STK32A: variants seen among roughly 807,000 people sequenced by gnomAD.
STK32A encodes serine/threonine-protein kinase 32A.
A neutral mutation model predicts 53.2 loss-of-function variants in STK32A; 41 were observed. The observed-to-expected ratio is 0.77, with a 90% CI of 0.60 to 1.00. STK32A has a LOEUF of 1.00. Ranked by LOEUF, STK32A falls within the 50% of genes least tolerant of loss-of-function variation. The pLI is 0.00. For missense variants in STK32A, 458 were observed against 485.8 expected, an observed-to-expected ratio of 0.94 and a Z score of 0.54; for synonymous variants, 166 against 162.8, an observed-to-expected ratio of 1.02 and a Z score of -0.15.
intron 4 of STK32A, among the ~76,000 whole-genome samples, chr5:147,294,362 A>G (rs987031649): frequency 1.3e-5 from 2 of 152,158 alleles, no homozygotes; most frequent in Non-Finnish European, 2.9e-5. Context: ...CCTGGGTTCA[A>G]GCAATTCTTC....
intron 2 of STK32A, among the ~76,000 whole-genome samples, chr5:147,260,985 C>G (rs1022848278): frequency 1.3e-5 from 2 of 152,324 alleles, no homozygotes; most frequent in South Asian, 4.1e-4. Context: ...TGCGCAGAGT[C>G]GTTGCCGCAG....
the STK32A span, chr5:147,400,827 A>T: frequency 6.2e-7 from 1 of 1,613,588 alleles, no homozygotes; most frequent in Non-Finnish European, 8.5e-7. Context: ...ATAGCTGCAG[A>T]TCCCCGCTGG....
intron 5 of STK32A, among the ~76,000 whole-genome samples, chr5:147,332,329 T>C (rs1170124090): frequency 1.3e-5 from 2 of 151,648 alleles, no homozygotes; most frequent in Non-Finnish European, 2.9e-5. Context: ...TTTGGGAAGA[T>C]ATTTTCAGTA....
chr5:147,345,102 A>T (rs1013015576), intron 6 of STK32A, among the ~76,000 whole-genome samples: 1 of 152,218 alleles, frequency 6.6e-6, no homozygotes, highest in Non-Finnish European at 1.5e-5. Context: ...TGTGGTTAAG[A>T]ATGTGACTTC....
intron 10 of STK32A, among the ~76,000 whole-genome samples, chr5:147,374,842 T>A (rs908451088): frequency 1.3e-5 from 2 of 152,192 alleles, no homozygotes; most frequent in African/African-American, 4.8e-5. Flanking sequence ...TATTTTCCAC[T>A]TTAGAAAAAT....
chr5:147,376,911 C>A (rs1757254654), intron 11 of STK32A, among the ~76,000 whole-genome samples: 1 of 152,142 alleles, frequency 6.6e-6, no homozygotes, highest in Non-Finnish European at 1.5e-5. Context: ...TTCTACGAAG[C>A]CAGCATTACC....
At chr5:147,394,376 A>C in the STK32A span, among the ~76,000 whole-genome samples, 1 of 152,186 alleles carries the variant, frequency 6.6e-6, no homozygotes, top group African/African-American at 2.4e-5. Context: ...TGATAATAAT[A>C]CTGGGAAGAA....
At position 147,306,641 on chromosome 5, in the gene STK32A, G is replaced by A. The variant is rs535534578; in HGVS notation, c.261-17257G>A. ...TCAGTATCTTCACTGACATGTGTTA[G>A]CTTCCTAGCACTGGAATGTCATTTG... On this transcript the variant is annotated intron_variant, in intron 4 of 12. Transcript: ENST00000397936. Among the ~76,000 whole-genome samples, 13 of 151,848 alleles carry A rather than the reference G, an allele frequency of 8.6e-5. No individual in the cohort carries two copies. In the South Asian group the frequency reaches 2.7e-3, roughly 32 times the overall value.
chr5:147,265,352 TC>T (rs921988536), intron 2 of STK32A, among the ~76,000 whole-genome samples: 2 of 152,032 alleles, frequency 1.3e-5, no homozygotes, highest in African/African-American at 4.8e-5. Context: ...CACCATTCTC[TC>T]CCATCTCTGA....
intron 4 of STK32A, among the ~76,000 whole-genome samples, chr5:147,321,988 G>A (rs376243554): frequency 7.2e-5 from 11 of 152,068 alleles, no homozygotes; most frequent in African/African-American, 1.9e-4. Flanking sequence ...TTACCTTAGC[G>A]GAGAACAGCC....
chr5:147,256,914 G>A (rs751845034), intron 2 of STK32A, among the ~76,000 whole-genome samples: 3 of 152,164 alleles, frequency 2.0e-5, no homozygotes, highest in Non-Finnish European at 4.4e-5. Context: ...AGGCTTACAG[G>A]AAGGTGCAGG....
chr5:147,235,027 G>A lies in STK32A; in HGVS notation c.-269G>A, dbSNP rs1157388372. 6.5e-6 allele frequency: 1 copy of A among 153,440 alleles called. No homozygotes were observed. Among genetic ancestry groups the A allele is most frequent in the Non-Finnish European group, 1.4e-5 (1 of 69,132 alleles). 9.5% of individuals were successfully genotyped at this position (153,440 alleles called of 1,614,324 possible). A position where few individuals can be genotyped will look rare whatever the true frequency, so the allele number is the denominator to read the frequency against. On this transcript the variant is annotated 5_prime_UTR_variant, in exon 1 of 13. Transcript: ENST00000397936. ...TGCCTCCCCAGCCCAGCCCAGCTCAGTCCAGCGCAGCCCAGCCCAGCCCAG... is the reference window on the plus strand; with the variant it reads ...TGCCTCCCCAGCCCAGCCCAGCTCAATCCAGCGCAGCCCAGCCCAGCCCAG...
At chr5:147,363,190 T>C (rs1756589613) in intron 8 of STK32A, among the ~76,000 whole-genome samples, 1 of 151,974 alleles carries the variant, frequency 6.6e-6, no homozygotes, top group South Asian at 2.1e-4. Flanking sequence ...CATTCCAACA[T>C]TTCAAAAGAG....
the STK32A span, chr5:147,395,579 T>C: frequency 4.3e-6 from 7 of 1,613,530 alleles, no homozygotes; most frequent in Non-Finnish European, 5.9e-6. Context: ...AAATCCCGAC[T>C]GATGAAGATT....
chr5:147,266,882 G>C (rs886126664), intron 2 of STK32A, among the ~76,000 whole-genome samples: 11 of 152,162 alleles, frequency 7.2e-5, no homozygotes, highest in Admixed American at 2.6e-4. Flanking sequence ...AATTAGCCAG[G>C]CATGGTGGTG....
chr5:147,237,056 T>C (rs31038), intron 1 of STK32A, among the ~76,000 whole-genome samples: 2,286 of 152,258 alleles, frequency 0.015, 18 homozygotes, highest in Middle Eastern at 0.058. Flanking sequence ...CTCAAGCCTG[T>C]AATCCCAGCA....
At chr5:147,363,513 G>T (rs1337856717) in intron 8 of STK32A, among the ~76,000 whole-genome samples, 1 of 152,164 alleles carries the variant, frequency 6.6e-6, no homozygotes, top group African/African-American at 2.4e-5. Context: ...AGTGCACTCT[G>T]GACCTGTAGT....
intron 2 of STK32A, among the ~76,000 whole-genome samples, chr5:147,264,598 A>C (rs962650464): frequency 6.6e-6 from 1 of 152,362 alleles, no homozygotes; most frequent in South Asian, 2.1e-4. Flanking sequence ...GAAATACCGA[A>C]TATTGATCTA....
intron 5 of STK32A, among the ~76,000 whole-genome samples, chr5:147,336,911 G>T (rs2151985009): frequency 1.3e-5 from 2 of 152,256 alleles, no homozygotes; most frequent in South Asian, 2.1e-4. Context: ...ACAAACTATG[G>T]ACCATCAAAA....
Sources: allele counts gnomAD v4.1 joint callset (sites outside exome capture counted in the v4.1 genomes callset), GRCh38; gene constraint gnomAD v4.1.1; transcripts MANE v1.5; gene names NCBI Gene and HGNC (gene_info 2026-07-23, HGNC 2026-07-21).